The following DIABLO variants were observed in gnomAD, a reference collection of about 807,000 sequenced individuals.
DIABLO encodes the protein diablo IAP-binding mitochondrial protein.
Under a neutral mutation model 31.7 loss-of-function variants are expected in DIABLO, and 32 were observed. That is an observed-to-expected ratio of 1.01 (90% CI 0.76 to 1.35). The LOEUF (loss-of-function observed/expected upper bound fraction) is 1.35, where lower values mean the gene tolerates loss of function less well. Among genes scored for constraint, DIABLO ranks in the 40% most tolerant of loss-of-function variants. DIABLO has a pLI of 0.00. For synonymous variants in DIABLO, 132 were observed against 103.2 expected, an observed-to-expected ratio of 1.28 and a Z score of -1.69; for missense variants, 316 against 286.4, an observed-to-expected ratio of 1.10 and a Z score of -0.75.
At chr12:122,217,329 AT>A (rs969848285) in intron 3 of DIABLO, 1 of 193,396 alleles carries the variant, frequency 5.2e-6, no homozygotes, top group African/African-American at 2.4e-5. Context: ...CTTGGCCAAC[AT>A]GGCAAAACCC....
At chr12:122,209,628 T>A in intron 5 of DIABLO, 1 of 634,232 alleles carries the variant, frequency 1.6e-6, no homozygotes. Flanking sequence ...TCGCGCCACT[T>A]CACTCCAGCC....
chr12:122,224,307 A>C (rs1954397922), intron 2 of DIABLO, among the ~76,000 whole-genome samples: 1 of 152,046 alleles, frequency 6.6e-6, no homozygotes, highest in Non-Finnish European at 1.5e-5. Context: ...CGCTTTATAC[A>C]ATTTGATGTG....
chr12:122,217,130 A>C, intron 3 of DIABLO: 1 of 427,078 alleles, frequency 2.3e-6, no homozygotes, highest in Non-Finnish European at 4.3e-6. Flanking sequence ...AAAACTTTAA[A>C]GGTTGAGGGG....
chr12:122,209,440 G>C (rs1954027031), intron 5 of DIABLO, among the ~76,000 whole-genome samples: 1 of 152,026 alleles, frequency 6.6e-6, no homozygotes, highest in Non-Finnish European at 1.5e-5. Context: ...GAGGTGGGTG[G>C]ACTGCCTGAG....
upstream of DIABLO, chr12:122,226,082 A>C (rs1350067339): frequency 1.3e-6 from 2 of 1,554,758 alleles, no homozygotes; most frequent in Non-Finnish European, 1.7e-6. Context: ...GGAGCGGGGC[A>C]CGGCCTCCAC....
intron 5 of DIABLO, among the ~76,000 whole-genome samples, chr12:122,210,104 G>GGT (rs1954047887): frequency 1.3e-5 from 2 of 151,964 alleles, no homozygotes; most frequent in Admixed American, 1.3e-4. Flanking sequence ...CTATTTTGAG[G>GGT]GTAAATGGCT....
Position 122,208,151 on chromosome 12 carries a change from G to A in DIABLO, c.*230C>T, listed in dbSNP as rs1371218077. On this transcript the variant is annotated 3_prime_UTR_variant, in exon 6 of 6. Coordinates refer to ENST00000464942, the MANE Select transcript of DIABLO (RefSeq NM_001371333.1). ...ATGGGTAAGAGCAGCTGTACAGAGT[G>A]GGGTGAAATGTTAAACAGGGTGCAG... 3 of 693,748 alleles carry A rather than the reference G, an allele frequency of 4.3e-6. No homozygotes were observed. The highest frequency in any genetic ancestry group is 7.8e-6 in the Non-Finnish European group (3 of 382,426). The allele number at this position is 693,748 out of a possible 1,614,324, so 43.0% of individuals were successfully genotyped here.
chr12:122,226,091 A>T (rs1435236289), upstream of DIABLO: 15 of 1,544,334 alleles, frequency 9.7e-6, no homozygotes, highest in East Asian at 2.4e-5. Flanking sequence ...CACGGCCTCC[A>T]CCTGAGAGCG....
At chr12:122,210,310 A>G (rs1954053510) in intron 5 of DIABLO, among the ~76,000 whole-genome samples, 1 of 151,676 alleles carries the variant, frequency 6.6e-6, no homozygotes, top group African/African-American at 2.4e-5. Context: ...CTCTCCCACG[A>G]AACATCCTAG....
upstream of DIABLO, chr12:122,226,307 C>T (rs1301790140): frequency 1.2e-5 from 7 of 600,304 alleles, no homozygotes; most frequent in South Asian, 6.4e-5. Context: ...GTGACGCTGG[C>T]GGGTGGGCGG....
Position 122,208,360 on chromosome 12 carries a change from C to G in DIABLO, c.*21G>C. On this transcript the variant is annotated 3_prime_UTR_variant, in exon 6 of 6. Transcript: ENST00000464942. The stretch of plus-strand genomic sequence containing the variant: ...CTGCTTTCCCCACTGAGTGGGGAGA[C>G]AGGGCAGTGTGCTCAGGCCCTCAAT... The G allele has an allele frequency of 1.2e-6, 2 of 1,610,756 alleles. No homozygotes were observed. Among genetic ancestry groups the G allele is most frequent in the Non-Finnish European group, 1.7e-6 (2 of 1,179,846 alleles).
Position 122,208,639 on chromosome 12 carries a change from C to T in DIABLO, c.524-62G>A, listed in dbSNP as rs145271890. ...GCAGGGCGCGGAAGGCTCATGTGGACGTTGGCCTGGGGGTGCTGTGGCTGT... is the reference window on the plus strand; with the variant it reads ...GCAGGGCGCGGAAGGCTCATGTGGATGTTGGCCTGGGGGTGCTGTGGCTGT... On this transcript the variant is annotated intron_variant, in intron 5 of 5. Coordinates refer to ENST00000464942, the MANE Select transcript of DIABLO (RefSeq NM_001371333.1). 469 of 1,560,522 alleles carry T rather than the reference C, an allele frequency of 3.0e-4. 1 individual carries two copies. Among genetic ancestry groups the T allele is most frequent in the South Asian group, 6.6e-4 (58 of 87,748 alleles).
chr12:122,214,095 A>C (rs1488736746), intron 5 of DIABLO, among the ~76,000 whole-genome samples: 1 of 152,144 alleles, frequency 6.6e-6, no homozygotes, highest in Non-Finnish European at 1.5e-5. Flanking sequence ...AAAAACAAAC[A>C]AACAAAAAAA....
upstream of DIABLO, chr12:122,226,079 G>A (rs1474870133): frequency 6.4e-7 from 1 of 1,558,596 alleles, no homozygotes. Flanking sequence ...CGCGGAGCGG[G>A]GCACGGCCTC....
intron 5 of DIABLO, among the ~76,000 whole-genome samples, chr12:122,212,346 A>C (rs1300117646): frequency 6.6e-6 from 1 of 152,188 alleles, no homozygotes; most frequent in African/African-American, 2.4e-5. Context: ...GCTTCTCTCA[A>C]AACTGATTTT....
intron 5 of DIABLO, chr12:122,209,026 A>T: frequency 3.1e-6 from 1 of 324,450 alleles, no homozygotes; most frequent in South Asian, 2.6e-5. Flanking sequence ...ATGTAACAGC[A>T]TAAAAGGTAT....
At chr12:122,212,099 G>C (rs1434769090) in intron 5 of DIABLO, among the ~76,000 whole-genome samples, 2 of 151,278 alleles carry the variant, frequency 1.3e-5, no homozygotes, top group African/African-American at 4.9e-5. Flanking sequence ...GCCTTCCAAA[G>C]TGCTGGGATC....
chr12:122,224,035 A>G (rs941339821), intron 2 of DIABLO, among the ~76,000 whole-genome samples: 2 of 152,124 alleles, frequency 1.3e-5, no homozygotes, highest in Admixed American at 1.3e-4. Flanking sequence ...CCTGAGCTCA[A>G]GCCATCCTCC....
rs1954267564 is a variant in DIABLO, at chr12:122,218,631, A to ATTAT, written c.184-238_184-235dup. The ATTAT allele has an allele frequency of 5.6e-6, 3 of 533,012 alleles. No individual in the cohort carries two copies. In the South Asian group the frequency reaches 6.1e-5, roughly 11 times the overall value. The allele number at this position is 533,012 out of a possible 1,614,324, so 33.0% of individuals were successfully genotyped here. On this transcript the variant is annotated intron_variant, in intron 2 of 5. Coordinates refer to ENST00000464942, the MANE Select transcript of DIABLO (RefSeq NM_001371333.1). ...TTTCATTCTCTGCTCCAAAAAGCAA[A>ATTAT]TTATTTCTTTACATATAAAATAAAT...
Sources: allele counts gnomAD v4.1 joint callset (sites outside exome capture counted in the v4.1 genomes callset), GRCh38; gene constraint gnomAD v4.1.1; transcripts MANE v1.5; gene names NCBI Gene and HGNC (gene_info 2026-07-23, HGNC 2026-07-21).